Variants in TXNRD3 observed in about 807,000 individuals in gnomAD.
TXNRD3 encodes the protein TXNRD3 neighbor gene protein.
In TXNRD3, 68 loss-of-function variants were observed where a neutral mutation model predicts 78.2. The ratio of observed to expected loss-of-function variants is 0.87; its 90% CI spans 0.72 to 1.06. The LOEUF (loss-of-function observed/expected upper bound fraction) is 1.06. Among genes scored for constraint, TXNRD3 ranks in the 50% least tolerant of loss-of-function variants. The probability of loss-of-function intolerance (pLI) is 0.00; values close to 1 mark genes in which losing one functional copy is unlikely to be tolerated. For missense variants in TXNRD3, 751 were observed against 809.5 expected (o/e 0.93, Z 0.88); for synonymous variants, 296 against 300.1 (o/e 0.99, Z 0.14).
In TXNRD3 at chr3:126,630,702, G is replaced by A; in HGVS notation, c.1197+10C>T. 1 of 1,533,656 alleles carries A rather than the reference G, an allele frequency of 6.5e-7. No individual in the cohort carries two copies. Among genetic ancestry groups the A allele is most frequent in the East Asian group, 2.4e-5 (1 of 40,908 alleles). On this transcript the variant is annotated intron_variant, in intron 9 of 15. Coordinates refer to ENST00000524230, the MANE Select transcript of TXNRD3 (RefSeq NM_052883.3). ...AGAGAAAAAAAATTGCAAATGCCAT[G>A]CAGCCTTACCATCACAGGTATGAAT...
At chr3:126,644,863 C>T (rs1169982970) in intron 3 of TXNRD3, among the ~76,000 whole-genome samples, 2 of 152,226 alleles carry the variant, frequency 1.3e-5, no homozygotes, top group Non-Finnish European at 1.5e-5. Context: ...TGTAGTTACA[C>T]AGGTGAGCTT....
chr3:126,624,154 T>C (rs1938522030), intron 10 of TXNRD3, among the ~76,000 whole-genome samples: 1 of 152,092 alleles, frequency 6.6e-6, no homozygotes, highest in African/African-American at 2.4e-5. Flanking sequence ...AAAATCAATA[T>C]TGTTAAAAAG....
Position 126,622,527 on chromosome 3 carries a change from A to G in TXNRD3, c.1304T>C (p.Ile435Thr), listed in dbSNP as rs923311066. Residue 435 changes from isoleucine (I) to threonine (T), a missense_variant, in exon 11 of 16, where the codon ATT becomes ACT. Ile to Thr is a moderately conservative substitution (Grantham distance 89). Transcript: ENST00000524230. ...TTTCCTTGTACAGGAGTCACGACCA[A>G]TAGCTAACAAAACCTGCATTTGCAG... 48 of 1,531,308 alleles carry G rather than the reference A, an allele frequency of 3.1e-5. No homozygotes were observed. In the Admixed American group the frequency reaches 8.9e-4, roughly 28 times the overall value. 94.9% of individuals were successfully genotyped at this position (1,531,308 alleles called of 1,614,324 possible).
intron 1 of TXNRD3, among the ~76,000 whole-genome samples, chr3:126,648,797 T>C (rs777238): frequency 0.75 from 113,487 of 152,136 alleles, 44,371 homozygotes; most frequent in Non-Finnish European, 0.87. Context: ...AATGATTTTA[T>C]GGATATGATC....
chr3:126,615,426 G>A lies in TXNRD3; in HGVS notation c.1561C>T (p.Pro521Ser), dbSNP rs1439497274. Reference sequence around the variant, plus strand: ...AATCCACAGCAACCATACTCCAGAGGAGTAAACACTGTAGTCGGAACATTA... The same window carrying A: ...AATCCACAGCAACCATACTCCAGAGAAGTAAACACTGTAGTCGGAACATTA... Residue 521 changes from proline to serine, a missense_variant, in exon 13 of 16, where the codon CCT (proline) becomes TCT (serine). By Grantham distance (74) the Pro-to-Ser change is moderately conservative. Transcript: ENST00000524230. 4.0e-6 allele frequency: 6 copies of A among 1,517,784 alleles called. No homozygotes were observed. The highest frequency in any genetic ancestry group is 5.3e-6 in the Non-Finnish European group (6 of 1,138,654). 94.0% of individuals were successfully genotyped at this position (1,517,784 alleles called of 1,614,324 possible).
Position 126,608,489 on chromosome 3 carries a change from T to C in TXNRD3, c.1863+10A>G, listed in dbSNP as rs1351438472. On this transcript the variant is annotated intron_variant, in intron 15 of 15. Coordinates refer to ENST00000524230, the MANE Select transcript of TXNRD3 (RefSeq NM_052883.3). ...ACTGAAGCCAATTTTTAAAACCTCCTGTTTCCTACCTCCCCACATGTGGGG... is the reference window on the plus strand; with the variant it reads ...ACTGAAGCCAATTTTTAAAACCTCCCGTTTCCTACCTCCCCACATGTGGGG... 1 of 1,522,108 alleles carries C rather than the reference T, an allele frequency of 6.6e-7. No individual in the cohort carries two copies. The highest frequency in any genetic ancestry group is 1.4e-5 in the African/African-American group (1 of 72,470). 94.3% of individuals were successfully genotyped at this position (1,522,108 alleles called of 1,614,324 possible).
At chr3:126,652,956 G>A (rs938030237) in intron 1 of TXNRD3, among the ~76,000 whole-genome samples, 3 of 152,166 alleles carry the variant, frequency 2.0e-5, no homozygotes, top group Non-Finnish European at 4.4e-5. Context: ...CCAGTGGCAC[G>A]AGGTGCTCCT....
At chr3:126,633,557 T>G (rs925655040) in intron 7 of TXNRD3, among the ~76,000 whole-genome samples, 2 of 152,194 alleles carry the variant, frequency 1.3e-5, no homozygotes, top group African/African-American at 4.8e-5. Context: ...ATATTGGAGT[T>G]CTAGTTAAGG....
rs1418422807 is a variant in TXNRD3, at chr3:126,622,393, A to T, written c.1367+71T>A. The T allele has an allele frequency of 9.4e-6, 10 of 1,063,890 alleles. No individual in the cohort carries two copies. In the African/African-American group the frequency reaches 1.6e-4, roughly 17 times the overall value. 65.9% of individuals were successfully genotyped at this position (1,063,890 alleles called of 1,614,324 possible). On this transcript the variant is annotated intron_variant, in intron 11 of 15. Transcript: ENST00000524230. The stretch of plus-strand genomic sequence containing the variant: ...GACATATCTCAGTAATTAAATGAGA[A>T]TTTCTTAGAGGTGATCTGCAGAAAC...
At position 126,624,952 on chromosome 3, in the gene TXNRD3, T is replaced by C. The variant is rs138548948; in HGVS notation, c.1291-2412A>G. 7 of 195,258 alleles carry C rather than the reference T, an allele frequency of 3.6e-5. No homozygotes were observed. In the East Asian group the frequency reaches 8.3e-4, roughly 23 times the overall value. 12.1% of individuals were successfully genotyped at this position (195,258 alleles called of 1,614,324 possible). On this transcript the variant is annotated intron_variant, in intron 10 of 15. Transcript: ENST00000524230. ...GGATTTGACATAGATGCAGGTGCAC[T>C]AGGAATATTTAATAGGCATGTGGAA... is the stretch of plus-strand genomic sequence containing the variant.
At position 126,622,478 on chromosome 3, in the gene TXNRD3, G is replaced by T; in HGVS notation, c.1353C>A (p.Val451=). 1 of 1,535,378 alleles carries T rather than the reference G, an allele frequency of 6.5e-7. No homozygotes were observed. The highest frequency in any genetic ancestry group is 1.2e-5 in the South Asian group (1 of 83,908). Residue 451 remains valine, a synonymous_variant, in exon 11 of 16, where the codon GTC becomes GTA. Coordinates refer to ENST00000524230, the MANE Select transcript of TXNRD3 (RefSeq NM_052883.3). Reference sequence around the variant, plus strand: ...AATATACTTACTTCTCATTAATTTTGACACCAATCTTCTCCAAGCCTATTT... The same window carrying T: ...AATATACTTACTTCTCATTAATTTTTACACCAATCTTCTCCAAGCCTATTT...
chr3:126,615,250 T>C (rs945452207), intron 13 of TXNRD3, 105 bp downstream of exon 13: 14 of 521,508 alleles, frequency 2.7e-5, no homozygotes, highest in Non-Finnish European at 4.6e-5. Context: ...TCCTACAATA[T>C]AACCATCATA....
intron 1 of TXNRD3, among the ~76,000 whole-genome samples, chr3:126,651,955 A>G (rs1933401793): frequency 6.6e-6 from 1 of 152,198 alleles, no homozygotes; most frequent in South Asian, 2.1e-4. Context: ...AGCAAGCCAT[A>G]AAAGGAAAAG....
intron 12 of TXNRD3, among the ~76,000 whole-genome samples, chr3:126,619,857 T>C (rs1251721323): frequency 6.6e-6 from 1 of 151,982 alleles, no homozygotes; most frequent in African/African-American, 2.4e-5. Context: ...ATGTGTCAAC[T>C]AAAAATAAAA....
rs1933481852 is a variant in TXNRD3, at chr3:126,654,977, G to A, written c.14C>T (p.Pro5Leu). ...CTTTCCCGGCCCGGGCGACTGCGGC[G>A]GCGACCGCTCCAGAGTCTCGCTCTC... Residue 5 changes from proline to leucine, a missense_variant, in exon 1 of 16, where the codon CCG becomes CTG. Pro to Leu is a moderately conservative substitution (Grantham distance 98). Transcript: ENST00000524230. The A allele has an allele frequency of 7.7e-7, 1 of 1,301,000 alleles. No individual in the cohort carries two copies. The highest frequency in any genetic ancestry group is 9.7e-7 in the Non-Finnish European group (1 of 1,029,222). The allele number at this position is 1,301,000 out of a possible 1,614,324, so 80.6% of individuals were successfully genotyped here.
At chr3:126,630,664 A>T in intron 9 of TXNRD3, 48 bp downstream of exon 9, 1 of 1,470,098 alleles carries the variant, frequency 6.8e-7, no homozygotes, top group South Asian at 1.2e-5. Context: ...AAGGTGAGAT[A>T]AAGTGAAAAG....
chr3:126,629,244 C>T lies in TXNRD3; in HGVS notation c.1290+135G>A, dbSNP rs73859554. 1.6e-3 allele frequency: 1,057 copies of T among 660,504 alleles called. 10 individuals are homozygous for T. The African/African-American group carries it at 0.017, about 11-fold the overall frequency. The allele number at this position is 660,504 out of a possible 1,614,324, so 40.9% of individuals were successfully genotyped here. ...ACTCAAATGTCAGTAGCCAAATTAT[C>T]TTCTATGATAATGCTCTTACAAAGA... On this transcript the variant is annotated intron_variant, in intron 10 of 15. Transcript: ENST00000524230.
chr3:126,636,738 A>G (rs1434780417), intron 6 of TXNRD3, among the ~76,000 whole-genome samples: 1 of 152,112 alleles, frequency 6.6e-6, no homozygotes, highest in Non-Finnish European at 1.5e-5. Context: ...TTTTTAGACT[A>G]TCTTTCTGTA....
At chr3:126,636,070 T>C (rs999263144) in intron 6 of TXNRD3, among the ~76,000 whole-genome samples, 1 of 152,168 alleles carries the variant, frequency 6.6e-6, no homozygotes, top group Non-Finnish European at 1.5e-5. Flanking sequence ...TAGCTGGAAC[T>C]ACAGGCATGA....
Sources: allele counts gnomAD v4.1 joint callset (sites outside exome capture counted in the v4.1 genomes callset), GRCh38; gene constraint gnomAD v4.1.1; transcripts MANE v1.5; gene names NCBI Gene and HGNC (gene_info 2026-07-23, HGNC 2026-07-21).